NOS1AP: variants seen among roughly 807,000 people sequenced by gnomAD.
NOS1AP encodes carboxyl-terminal PDZ ligand of neuronal nitric oxide synthase protein.
NOS1AP carries 21 observed loss-of-function variants against 56.2 expected under a neutral mutation model. The observed-to-expected ratio is 0.37, with a 90% CI of 0.26 to 0.54. The LOEUF is 0.54. NOS1AP is among the 20% of genes least tolerant of loss of function. The probability of loss-of-function intolerance (pLI) is 0.84; values close to 1 mark genes in which losing one functional copy is unlikely to be tolerated. For synonymous variants in NOS1AP, 270 were observed against 274.6 expected (o/e 0.98, Z 0.17); for missense variants, 522 against 657.8 (o/e 0.79, Z 2.26).
At chr1:162,366,573 G>A (rs1239280867) in intron 9 of NOS1AP, among the ~76,000 whole-genome samples, 5 of 152,176 alleles carry the variant, frequency 3.3e-5, no homozygotes, top group Non-Finnish European at 7.3e-5. Context: ...GCTGGTCTGG[G>A]AGCCTGTATT....
At chr1:162,332,919 T>G in intron 4 of NOS1AP, 98 bp from the exon 5 acceptor site, 12 of 865,474 alleles carry the variant, frequency 1.4e-5, no homozygotes, top group Admixed American at 1.8e-5. Context: ...TTGGCTCTCA[T>G]GAGCTGTGCT....
At chr1:162,272,781 C>G (rs949139361) in intron 2 of NOS1AP, among the ~76,000 whole-genome samples, 2 of 152,126 alleles carry the variant, frequency 1.3e-5, no homozygotes, top group Admixed American at 1.3e-4. Flanking sequence ...TGGGGTGAGA[C>G]TTTTGCTCTG....
intron 3 of NOS1AP, among the ~76,000 whole-genome samples, chr1:162,290,694 G>T (rs1257689618): frequency 6.6e-6 from 1 of 152,190 alleles, no homozygotes; most frequent in African/African-American, 2.4e-5. Flanking sequence ...TGGTGCTTGT[G>T]CCAGGCTAGT....
intron 2 of NOS1AP, among the ~76,000 whole-genome samples, chr1:162,271,012 C>T (rs577685506): frequency 6.6e-6 from 1 of 152,286 alleles, no homozygotes; most frequent in African/African-American, 2.4e-5. Flanking sequence ...AAGCTGGCTG[C>T]TTTGCGTCAG....
At chr1:162,125,218 C>T (rs759169258) in intron 1 of NOS1AP, among the ~76,000 whole-genome samples, 12 of 151,290 alleles carry the variant, frequency 7.9e-5, no homozygotes, top group Non-Finnish European at 1.3e-4. Context: ...ACTGCAACCT[C>T]CACCTCCTGG....
At chr1:162,310,416 G>T (rs1004660703) in intron 4 of NOS1AP, among the ~76,000 whole-genome samples, 1 of 152,224 alleles carries the variant, frequency 6.6e-6, no homozygotes, top group South Asian at 2.1e-4. Context: ...GATCATCAGG[G>T]ATGTGGAGGC....
intron 1 of NOS1AP, among the ~76,000 whole-genome samples, chr1:162,147,286 C>T (rs574844688): frequency 1.6e-4 from 24 of 145,750 alleles, no homozygotes; most frequent in South Asian, 4.3e-4. Flanking sequence ...CCTCTGAGAT[C>T]GCACCACTGC....
chr1:162,366,908 G>A (rs1658104440), intron 9 of NOS1AP, 144 bp from the exon 10 acceptor site: 5 of 901,726 alleles, frequency 5.5e-6, no homozygotes, highest in Non-Finnish European at 9.2e-6. Flanking sequence ...AGGGTGAAGT[G>A]TTAAGAGACC....
intron 1 of NOS1AP, among the ~76,000 whole-genome samples, chr1:162,108,365 T>C (rs992011662): frequency 6.6e-6 from 1 of 152,046 alleles, no homozygotes; most frequent in African/African-American, 2.4e-5. Context: ...TTGAAACATA[T>C]CACACAGGTT....
chr1:162,343,738 A>T (rs1657183234), intron 5 of NOS1AP, 97 bp from the exon 6 acceptor site: 1 of 1,436,988 alleles, frequency 7.0e-7, no homozygotes, highest in Non-Finnish European at 9.8e-7. Flanking sequence ...ACAACTTTAG[A>T]TTTTTCTGTC....
chr1:162,086,575 A>G (rs940160908), intron 1 of NOS1AP, among the ~76,000 whole-genome samples: 6 of 152,090 alleles, frequency 3.9e-5, no homozygotes. Flanking sequence ...GAATCAATGC[A>G]TGAAGTTGAT....
intron 2 of NOS1AP, among the ~76,000 whole-genome samples, chr1:162,166,813 C>T (rs1472958873): frequency 6.6e-6 from 1 of 152,186 alleles, no homozygotes; most frequent in Non-Finnish European, 1.5e-5. Flanking sequence ...CCAGTGGACA[C>T]CTGTACCTCC....
At chr1:162,116,528 A>G (rs1309611804) in intron 1 of NOS1AP, among the ~76,000 whole-genome samples, 1 of 152,098 alleles carries the variant, frequency 6.6e-6, no homozygotes, top group Non-Finnish European at 1.5e-5. Flanking sequence ...ACTCCTAACT[A>G]TGGCTCAGAC....
intron 1 of NOS1AP, among the ~76,000 whole-genome samples, chr1:162,100,423 A>T (rs1692358202): frequency 6.6e-6 from 1 of 152,132 alleles, no homozygotes; most frequent in Non-Finnish European, 1.5e-5. Context: ...TGGCTGCATA[A>T]ATGTCTTCTT....
chr1:162,128,117 G>A (rs1185007359), intron 1 of NOS1AP, among the ~76,000 whole-genome samples: 1 of 151,414 alleles, frequency 6.6e-6, no homozygotes, highest in African/African-American at 2.4e-5. Flanking sequence ...AATCATCCAT[G>A]TTTTCTTTTA....
intron 2 of NOS1AP, among the ~76,000 whole-genome samples, chr1:162,203,776 T>A (rs1364050306): frequency 6.6e-6 from 1 of 152,178 alleles, no homozygotes; most frequent in East Asian, 1.9e-4. Flanking sequence ...TCCACCTTGC[T>A]TCTGAAAGGG....
At chr1:162,177,433 G>A (rs1319242945) in intron 2 of NOS1AP, among the ~76,000 whole-genome samples, 2 of 152,090 alleles carry the variant, frequency 1.3e-5, no homozygotes, top group Admixed American at 1.3e-4. Flanking sequence ...GAGTTGTGGT[G>A]GTGTCTGTTT....
In NOS1AP at chr1:162,355,359, C is replaced by T. The variant is rs1438506201; in HGVS notation, c.762+6C>T. The T allele has an allele frequency of 6.2e-7, 1 of 1,614,036 alleles. No individual in the cohort carries two copies. Among genetic ancestry groups the T allele is most frequent in the Non-Finnish European group, 8.5e-7 (1 of 1,180,008 alleles). On this transcript the variant is annotated splice_donor_region_variant and intron_variant, in intron 7 of 9. Coordinates refer to ENST00000361897, the MANE Select transcript of NOS1AP (RefSeq NM_014697.3). ...GCTCTCACACAGGCTCCAAGGTAGG[C>T]AAGAGATGGCCCATCTGTGTGATCT...
chr1:162,237,566 C>A (rs1363242221), intron 2 of NOS1AP, among the ~76,000 whole-genome samples: 2 of 152,172 alleles, frequency 1.3e-5, no homozygotes, highest in African/African-American at 4.8e-5. Context: ...CTTTAACACA[C>A]CTATGATTTT....
Sources: gnomAD v4.1 joint callset for allele counts (sites outside exome capture counted in the v4.1 genomes callset) on GRCh38, gnomAD v4.1.1 for gene constraint, MANE v1.5 for transcripts, NCBI Gene and HGNC (gene_info 2026-07-23, HGNC 2026-07-21) for gene names.